The following CCDC30 variants were observed in gnomAD, a reference collection of about 807,000 sequenced individuals.
CCDC30 encodes coiled-coil domain-containing protein 30.
Under a neutral mutation model 100.2 loss-of-function variants are expected in CCDC30, and 70 were observed. That is an observed-to-expected ratio of 0.70 (90% CI 0.58 to 0.85). The LOEUF is 0.85. Among genes scored for constraint, CCDC30 ranks in the 40% least tolerant of loss-of-function variants. CCDC30 has a pLI of 0.00. For synonymous variants in CCDC30, 233 were observed against 269.5 expected (o/e 0.86, Z 1.33); for missense variants, 652 against 771.2 (o/e 0.85, Z 1.83).
chr1:42,620,829 G>A (rs1263782642), intron 11 of CCDC30, among the ~76,000 whole-genome samples: 5 of 152,190 alleles, frequency 3.3e-5, no homozygotes, highest in Non-Finnish European at 7.3e-5. Context: ...ACAGCCAGGT[G>A]GAAGAGATGA....
intron 6 of CCDC30, among the ~76,000 whole-genome samples, chr1:42,555,395 C>T (rs2148549709): frequency 6.6e-6 from 1 of 152,262 alleles, no homozygotes; most frequent in African/African-American, 2.4e-5. Flanking sequence ...TCCATCAGGC[C>T]TTGTATTACT....
At chr1:42,608,571 T>C (rs917108086) in intron 10 of CCDC30, among the ~76,000 whole-genome samples, 2 of 150,676 alleles carry the variant, frequency 1.3e-5, no homozygotes, top group African/African-American at 4.9e-5. Context: ...GACGTGGCGG[T>C]GGGCGCCTGG....
chr1:42,503,334 T>G (rs138869738), intron 6 of CCDC30, among the ~76,000 whole-genome samples: 132 of 152,268 alleles, frequency 8.7e-4, no homozygotes, highest in African/African-American at 3.1e-3. Flanking sequence ...CTTTCTCTTT[T>G]GTGAGAGAGA....
intron 1 of CCDC30, among the ~76,000 whole-genome samples, chr1:42,470,917 C>T (rs1010638361): frequency 6.6e-6 from 1 of 151,986 alleles, no homozygotes; most frequent in Non-Finnish European, 1.5e-5. Context: ...TACTTCATCC[C>T]ATGGAATTTT....
the CCDC30 span, chr1:42,456,954 A>C: frequency 1.2e-5 from 19 of 1,605,216 alleles, no homozygotes; most frequent in East Asian, 6.7e-5. Flanking sequence ...GGTTTTGCTG[A>C]GGCTCTGAGG....
rs111798772 is a variant in CCDC30, at chr1:42,531,286, A to T, written c.456+32370A>T. On this transcript the variant is annotated intron_variant, in intron 6 of 16. Coordinates refer to ENST00000668663, the Ensembl canonical transcript of CCDC30. ...TAAGCTTCCTGAGGCCTCCCCAGCC[A>T]TGCTTCCTGTAGAGCCTGAGGAACT... 6.0e-3 allele frequency among the ~76,000 whole-genome samples: 907 copies of T among 152,240 alleles called. 6 individuals carry two copies. Among genetic ancestry groups the T allele is most frequent in the African/African-American group, 0.02 (846 of 41,530 alleles).
At chr1:42,543,875 C>A (rs1165667297) in intron 6 of CCDC30, among the ~76,000 whole-genome samples, 5 of 152,156 alleles carry the variant, frequency 3.3e-5, no homozygotes, top group Non-Finnish European at 5.9e-5. Flanking sequence ...CCAAAGGGAT[C>A]TCTTAAAGTA....
At chr1:42,562,878 G>A (rs1385311925) in intron 6 of CCDC30, among the ~76,000 whole-genome samples, 2 of 152,182 alleles carry the variant, frequency 1.3e-5, no homozygotes, top group African/African-American at 4.8e-5. Flanking sequence ...GATCATCAGA[G>A]AAATGCAAAT....
chr1:42,647,203 T>C (rs553561810), intron 15 of CCDC30, among the ~76,000 whole-genome samples: 5 of 151,816 alleles, frequency 3.3e-5, no homozygotes, highest in African/African-American at 1.2e-4. Context: ...AAGAAACCCA[T>C]CTCATCTATA....
chr1:42,494,172 A>G (rs1644192051), intron 4 of CCDC30, among the ~76,000 whole-genome samples: 1 of 152,236 alleles, frequency 6.6e-6, no homozygotes, highest in African/African-American at 2.4e-5. Flanking sequence ...GATCAATGGA[A>G]CAGAACAGAG....
chr1:42,613,665 G>C (rs1038005746), intron 11 of CCDC30, among the ~76,000 whole-genome samples: 3 of 152,128 alleles, frequency 2.0e-5, no homozygotes, highest in Non-Finnish European at 1.5e-5. Context: ...TTAGTAAACT[G>C]TCATGGCGCT....
intron 10 of CCDC30, among the ~76,000 whole-genome samples, chr1:42,608,047 C>T (rs1164644408): frequency 6.6e-6 from 1 of 151,646 alleles, no homozygotes; most frequent in Non-Finnish European, 1.5e-5. Flanking sequence ...CCCTTTAAGG[C>T]TCATTACCAT....
At chr1:42,463,259 G>C (rs148837975), upstream of CCDC30, 1 of 152,366 alleles carries the variant, frequency 6.6e-6, no homozygotes, top group Non-Finnish European at 1.5e-5. Flanking sequence ...GGAAGGACGC[G>C]TCTGCGTCTC....
At chr1:42,506,974 TG>T (rs1008701941) in intron 6 of CCDC30, among the ~76,000 whole-genome samples, 2 of 152,212 alleles carry the variant, frequency 1.3e-5, no homozygotes, top group African/African-American at 4.8e-5. Flanking sequence ...TTGCCCAGGC[TG>T]GAGTGCAATG....
At chr1:42,514,127 A>G (rs1053744884) in intron 6 of CCDC30, among the ~76,000 whole-genome samples, 4 of 152,124 alleles carry the variant, frequency 2.6e-5, no homozygotes, top group Non-Finnish European at 4.4e-5. Context: ...TATACATCAC[A>G]TTTTGTTTAT....
intron 6 of CCDC30, among the ~76,000 whole-genome samples, chr1:42,514,834 G>T (rs989327889): frequency 6.6e-6 from 1 of 151,840 alleles, no homozygotes; most frequent in African/African-American, 2.4e-5. Flanking sequence ...TTGTATTTTT[G>T]TATAGATGGG....
intron 1 of CCDC30, among the ~76,000 whole-genome samples, chr1:42,478,770 TAAAAC>T (rs1019153080): frequency 6.6e-6 from 1 of 151,740 alleles, no homozygotes; most frequent in African/African-American, 2.4e-5. Context: ...AACAACAGAA[TAAAAC>T]AAAACAAAAA....
At chr1:42,462,718 A>G (rs1643443762), upstream of CCDC30, among the ~76,000 whole-genome samples, 1 of 152,170 alleles carries the variant, frequency 6.6e-6, no homozygotes, top group Non-Finnish European at 1.5e-5. Flanking sequence ...ATTTTGCATT[A>G]CATAGGTGGG....
intron 8 of CCDC30, among the ~76,000 whole-genome samples, chr1:42,579,001 T>A (rs934003933): frequency 2.0e-5 from 3 of 152,092 alleles, no homozygotes; most frequent in Admixed American, 6.6e-5. Flanking sequence ...TTTTTTTGTT[T>A]TTGTTTTTGA....
Sources: gnomAD v4.1 joint callset for allele counts (sites outside exome capture counted in the v4.1 genomes callset) on GRCh38, gnomAD v4.1.1 for gene constraint, MANE v1.5 for transcripts, NCBI Gene and HGNC (gene_info 2026-07-23, HGNC 2026-07-21) for gene names.